SAMD12: variants seen among roughly 807,000 people sequenced by gnomAD.
SAMD12 encodes the protein sterile alpha motif domain containing 12, also known as sterile alpha motif domain-containing protein 12.
Under a neutral mutation model 15.0 loss-of-function variants are expected in SAMD12, and 9 were observed. The observed-to-expected ratio is 0.60, with a 90% CI of 0.36 to 1.05. SAMD12 has a LOEUF of 1.05. Among genes scored for constraint, SAMD12 ranks in the 50% least tolerant of loss-of-function variants. The probability of loss-of-function intolerance (pLI) is 0.01; values close to 1 mark genes in which losing one functional copy is unlikely to be tolerated. For missense variants in SAMD12, 230 were observed against 234.2 expected, an observed-to-expected ratio of 0.98 and a Z score of 0.12; for synonymous variants, 86 against 90.1, an observed-to-expected ratio of 0.96 and a Z score of 0.25.
chr8:118,553,820 T>G (rs1473999384), intron 2 of SAMD12, among the ~76,000 whole-genome samples: 2 of 148,148 alleles, frequency 1.3e-5, no homozygotes, highest in African/African-American at 2.5e-5. Context: ...TACAATGAAC[T>G]CAAACAAATT....
At chr8:118,516,685 A>G (rs2131080685) in intron 2 of SAMD12, among the ~76,000 whole-genome samples, 1 of 145,354 alleles carries the variant, frequency 6.9e-6, no homozygotes, top group South Asian at 2.1e-4. Flanking sequence ...CCCAGGCTGG[A>G]TGGAGTGCAG....
chr8:118,386,885 G>C (rs1819991848), intron 3 of SAMD12, among the ~76,000 whole-genome samples: 1 of 152,196 alleles, frequency 6.6e-6, no homozygotes, highest in South Asian at 2.1e-4. Context: ...CTGTCCTATT[G>C]GGAAATCTTA....
the SAMD12 span, among the ~76,000 whole-genome samples, chr8:118,176,008 T>C: frequency 6.6e-6 from 1 of 152,126 alleles, no homozygotes; most frequent in East Asian, 1.9e-4. Flanking sequence ...CCCAACAGAA[T>C]AGAAATTTTT....
chr8:118,336,321 G>A (rs905457009), intron 4 of SAMD12, among the ~76,000 whole-genome samples: 5 of 152,160 alleles, frequency 3.3e-5, no homozygotes, highest in Non-Finnish European at 2.9e-5. Context: ...CTATGGATAG[G>A]TCATACATGG....
intron 4 of SAMD12, among the ~76,000 whole-genome samples, chr8:118,267,803 C>A (rs2130094120): frequency 6.6e-6 from 1 of 151,790 alleles, no homozygotes; most frequent in South Asian, 2.1e-4. Context: ...ATAAAGAAAT[C>A]CTAAAGGCTG....
At chr8:118,521,125 T>G (rs1343271240) in intron 2 of SAMD12, among the ~76,000 whole-genome samples, 1 of 152,232 alleles carries the variant, frequency 6.6e-6, no homozygotes, top group African/African-American at 2.4e-5. Flanking sequence ...AGCATCCTTG[T>G]GCATGCGGAT....
chr8:118,564,046 G>A (rs1021257797), intron 2 of SAMD12, among the ~76,000 whole-genome samples: 2 of 152,168 alleles, frequency 1.3e-5, no homozygotes, highest in Non-Finnish European at 2.9e-5. Context: ...AGAGGAGAAG[G>A]GGTCATTCAA....
Position 118,245,138 on chromosome 8 carries a change from G to C in SAMD12, c.434-47406C>G, listed in dbSNP as rs181379377. On this transcript the variant is annotated intron_variant, in intron 4 of 4. Transcript: ENST00000409003. ...CTAGGTCTTCATCATGACCACCGCT[G>C]GCAAGCCATTTATTTTCTGCTTCAC... is the stretch of plus-strand genomic sequence containing the variant. 2.0e-4 allele frequency among the ~76,000 whole-genome samples: 30 copies of C among 152,218 alleles called. No individual in the cohort carries two copies. In the East Asian group the frequency reaches 4.8e-3, roughly 25 times the overall value.
At chr8:118,218,325 G>T (rs988255250) in intron 4 of SAMD12, among the ~76,000 whole-genome samples, 1 of 151,884 alleles carries the variant, frequency 6.6e-6, no homozygotes, top group Non-Finnish European at 1.5e-5. Flanking sequence ...ATATATAATT[G>T]TGAGATGAGT....
At chr8:118,172,211 A>T in the SAMD12 span, among the ~76,000 whole-genome samples, 8 of 152,326 alleles carry the variant, frequency 5.3e-5, no homozygotes, top group African/African-American at 1.9e-4. Context: ...ATATGTAACA[A>T]ACCTGCACAT....
At chr8:118,280,730 T>C (rs1205137683) in intron 4 of SAMD12, among the ~76,000 whole-genome samples, 1 of 152,140 alleles carries the variant, frequency 6.6e-6, no homozygotes, top group Non-Finnish European at 1.5e-5. Context: ...TAGATGGTAA[T>C]GATTTTCTCA....
At chr8:118,437,672 A>G (rs1262592960) in intron 3 of SAMD12, among the ~76,000 whole-genome samples, 1 of 152,150 alleles carries the variant, frequency 6.6e-6, no homozygotes, top group African/African-American at 2.4e-5. Context: ...TGATTTCCCA[A>G]TACCTGGTAT....
intron 3 of SAMD12, among the ~76,000 whole-genome samples, chr8:118,386,363 G>A (rs1293375276): frequency 1.3e-5 from 2 of 152,068 alleles, no homozygotes; most frequent in Non-Finnish European, 2.9e-5. Flanking sequence ...CCTCTTGCGC[G>A]TGTATAATCT....
intron 1 of SAMD12, among the ~76,000 whole-genome samples, chr8:118,618,757 T>G (rs1455568651): frequency 6.7e-6 from 1 of 149,842 alleles, no homozygotes; most frequent in Non-Finnish European, 1.5e-5. Context: ...GAAAATGGCG[T>G]GAACCCGGGA....
chr8:118,369,816 C>T (rs1818989108), intron 4 of SAMD12, among the ~76,000 whole-genome samples: 1 of 152,024 alleles, frequency 6.6e-6, no homozygotes, highest in Admixed American at 6.6e-5. Flanking sequence ...ACTACAAAAA[C>T]TGTAGAAGAA....
At chr8:118,233,910 T>C (rs1239600039) in intron 4 of SAMD12, among the ~76,000 whole-genome samples, 2 of 152,176 alleles carry the variant, frequency 1.3e-5, no homozygotes, top group Non-Finnish European at 2.9e-5. Context: ...TCCACTCAAA[T>C]GGCAGCCTTC....
At chr8:118,469,531 T>TATTATATATTATATTTAA (rs1230688616) in intron 2 of SAMD12, among the ~76,000 whole-genome samples, 118 of 2,698 alleles carry the variant, frequency 0.044, 36 homozygotes, top group African/African-American at 0.069. Flanking sequence ...ATATAATATA[T>TATTATATATTATATTTAA]TATATATATT....
At position 118,553,154 on chromosome 8, in the gene SAMD12, C is replaced by G. The variant is rs1488838907; in HGVS notation, c.192+27561G>C. Among the ~76,000 whole-genome samples, 16 of 152,078 alleles carry G rather than the reference C, an allele frequency of 1.1e-4. No individual in the cohort carries two copies. In the South Asian group the frequency reaches 1.7e-3, roughly 16 times the overall value. ...GCCATCCCCATCAAGCTACCAATGA[C>G]TTTCTTCACAGAATTGGAAAAAACT... On this transcript the variant is annotated intron_variant, in intron 2 of 3. Transcript: ENST00000314727.
At chr8:118,301,217 G>T (rs550412834) in intron 4 of SAMD12, among the ~76,000 whole-genome samples, 14 of 152,270 alleles carry the variant, frequency 9.2e-5, no homozygotes, top group Non-Finnish European at 2.1e-4. Context: ...GGGGTCACTA[G>T]ATGTGAATAA....
Sources: gnomAD v4.1 joint callset for allele counts (sites outside exome capture counted in the v4.1 genomes callset) on GRCh38, gnomAD v4.1.1 for gene constraint, MANE v1.5 for transcripts, NCBI Gene and HGNC (gene_info 2026-07-23, HGNC 2026-07-21) for gene names.